RBFOX1: variants seen among roughly 807,000 people sequenced by gnomAD.
RBFOX1 encodes RNA binding fox-1 homolog 1.
RBFOX1 carries 8 observed loss-of-function variants against 57.7 expected under a neutral mutation model. The ratio of observed to expected loss-of-function variants is 0.14; its 90% CI spans 0.08 to 0.25. The LOEUF (loss-of-function observed/expected upper bound fraction) is 0.25, where lower values mean the gene tolerates loss of function less well. Ranked by LOEUF, RBFOX1 falls within the 10% of genes least tolerant of loss-of-function variation. RBFOX1 has a pLI of 1.00. For missense variants in RBFOX1, 611 were observed against 548.5 expected, an observed-to-expected ratio of 1.11 and a Z score of -1.14; for synonymous variants, 326 against 222.4, an observed-to-expected ratio of 1.47 and a Z score of -4.15.
At chr16:7,397,236 T>C (rs2098156088) in intron 4 of RBFOX1, among the ~76,000 whole-genome samples, 1 of 152,190 alleles carries the variant, frequency 6.6e-6, no homozygotes, top group Non-Finnish European at 1.5e-5. Flanking sequence ...AGTGAAGACT[T>C]TAGTAAGATA....
At chr16:7,235,792 C>A (rs560015821) in intron 4 of RBFOX1, among the ~76,000 whole-genome samples, 2 of 152,310 alleles carry the variant, frequency 1.3e-5, no homozygotes, top group East Asian at 3.9e-4. Flanking sequence ...ATATCCTGTG[C>A]TAGCCTGAAC....
chr16:7,603,280 A>G (rs1248463522), intron 9 of RBFOX1, among the ~76,000 whole-genome samples: 1 of 152,206 alleles, frequency 6.6e-6, no homozygotes, highest in Non-Finnish European at 1.5e-5. Context: ...ATATTCCTTT[A>G]GTTTCTTTAG....
intron 4 of RBFOX1, among the ~76,000 whole-genome samples, chr16:5,975,210 T>C (rs2060037693): frequency 1.3e-5 from 2 of 152,170 alleles, no homozygotes; most frequent in South Asian, 4.1e-4. Context: ...CGATGCCGGC[T>C]TGGGATGGCC....
At chr16:6,193,582 T>C (rs956094357) in intron 1 of RBFOX1, among the ~76,000 whole-genome samples, 2 of 150,960 alleles carry the variant, frequency 1.3e-5, no homozygotes, top group African/African-American at 4.9e-5. Flanking sequence ...AGGGGCTACT[T>C]TTAAAAAATA....
intron 3 of RBFOX1, among the ~76,000 whole-genome samples, chr16:6,969,777 G>T (rs919203493): frequency 5.3e-5 from 8 of 151,876 alleles, no homozygotes; most frequent in African/African-American, 1.5e-4. Flanking sequence ...TATCTTAATT[G>T]CTGAGCTCTC....
chr16:6,861,789 TAC>T (rs1453940183), intron 3 of RBFOX1, among the ~76,000 whole-genome samples: 1 of 148,104 alleles, frequency 6.8e-6, no homozygotes, highest in African/African-American at 2.5e-5. Context: ...TCCACGTTCA[TAC>T]ACTCCCCCTC....
chr16:7,034,811 C>G (rs11077128), intron 3 of RBFOX1, among the ~76,000 whole-genome samples: 1 of 75,520 alleles, frequency 1.3e-5, no homozygotes, highest in Non-Finnish European at 2.7e-5. Flanking sequence ...GGGGTGGAGT[C>G]TAAGATATTG....
At chr16:7,476,916 C>T (rs946032373) in intron 4 of RBFOX1, among the ~76,000 whole-genome samples, 2 of 152,104 alleles carry the variant, frequency 1.3e-5, no homozygotes, top group African/African-American at 2.4e-5. Flanking sequence ...GCTTTTTCCC[C>T]CAAAGCTTTA....
intron 3 of RBFOX1, among the ~76,000 whole-genome samples, chr16:5,797,815 G>T (rs1169263886): frequency 6.6e-6 from 1 of 152,178 alleles, no homozygotes; most frequent in Non-Finnish European, 1.5e-5. Flanking sequence ...ACTGACCTGA[G>T]TGATGGGCTC....
At chr16:5,300,312 T>C (rs762315416) in intron 1 of RBFOX1, among the ~76,000 whole-genome samples, 2 of 152,158 alleles carry the variant, frequency 1.3e-5, no homozygotes, top group Non-Finnish European at 2.9e-5. Context: ...TATCCTCATC[T>C]CAGGACACAA....
chr16:6,649,115 A>C (rs2098556285), intron 2 of RBFOX1, among the ~76,000 whole-genome samples: 1 of 152,172 alleles, frequency 6.6e-6, no homozygotes. Flanking sequence ...ACCCCCTGGT[A>C]GTGAGGGTAG....
intron 4 of RBFOX1, among the ~76,000 whole-genome samples, chr16:7,390,394 G>T (rs1363691949): frequency 6.6e-6 from 1 of 152,202 alleles, no homozygotes; most frequent in Non-Finnish European, 1.5e-5. Context: ...TCTTAACTAT[G>T]AGATTTCGAT....
At chr16:5,645,953 A>G (rs1567341287) in intron 3 of RBFOX1, among the ~76,000 whole-genome samples, 1 of 152,186 alleles carries the variant, frequency 6.6e-6, no homozygotes, top group African/African-American at 2.4e-5. Context: ...TTCCTGCCCC[A>G]GGCTCCTGAG....
intron 3 of RBFOX1, among the ~76,000 whole-genome samples, chr16:5,687,601 C>T (rs1005300397): frequency 6.6e-6 from 1 of 152,150 alleles, no homozygotes; most frequent in African/African-American, 2.4e-5. Flanking sequence ...TCTCTGAAAG[C>T]CATTTTAGAG....
At chr16:7,151,536 C>T (rs1050783344) in intron 4 of RBFOX1, among the ~76,000 whole-genome samples, 1 of 152,054 alleles carries the variant, frequency 6.6e-6, no homozygotes, top group African/African-American at 2.4e-5. Flanking sequence ...CCAGCACTCC[C>T]CAACCTTTTT....
intron 2 of RBFOX1, among the ~76,000 whole-genome samples, chr16:5,517,690 C>G (rs1323224943): frequency 6.6e-6 from 1 of 152,136 alleles, no homozygotes; most frequent in African/African-American, 2.4e-5. Flanking sequence ...GAATGAGGAA[C>G]CATCCAGATC....
At chr16:6,559,471 T>A (rs2097150744) in intron 2 of RBFOX1, among the ~76,000 whole-genome samples, 1 of 152,116 alleles carries the variant, frequency 6.6e-6, no homozygotes, top group Non-Finnish European at 1.5e-5. Flanking sequence ...GGAGAAGAGT[T>A]TATCCTGAAC....
At chr16:6,245,741 A>C (rs2097565738) in intron 1 of RBFOX1, among the ~76,000 whole-genome samples, 1 of 152,190 alleles carries the variant, frequency 6.6e-6, no homozygotes, top group African/African-American at 2.4e-5. Context: ...AAGACACCTG[A>C]GAATAACATC....
chr16:7,020,906 C>T (rs556298925), intron 3 of RBFOX1, among the ~76,000 whole-genome samples: 2 of 152,262 alleles, frequency 1.3e-5, no homozygotes, highest in Admixed American at 6.5e-5. Context: ...ACAGGCAAAT[C>T]GCTTGAGGCC....
Sources: allele counts gnomAD v4.1 joint callset (sites outside exome capture counted in the v4.1 genomes callset), GRCh38; gene constraint gnomAD v4.1.1; transcripts MANE v1.5; gene names NCBI Gene and HGNC (gene_info 2026-07-23, HGNC 2026-07-21).